Variants in SP4 observed in about 807,000 individuals in gnomAD.
The protein encoded by SP4 is transcription factor Sp4.
A neutral mutation model predicts 72.8 loss-of-function variants in SP4; 19 were observed. The ratio of observed to expected loss-of-function variants is 0.26; its 90% confidence interval spans 0.18 to 0.38. The LOEUF (loss-of-function observed/expected upper bound fraction) is 0.38. SP4 is among the 10% of genes least tolerant of loss of function. The pLI is 1.00. For missense variants in SP4, 1,008 were observed against 926.3 expected (o/e 1.09, Z -1.14); for synonymous variants, 395 against 333.1 (o/e 1.19, Z -2.02).
Position 21,429,840 on chromosome 7 carries a change from A to G in SP4, c.675A>G (p.Ala225=), listed in dbSNP as rs1583367190. 6.2e-7 allele frequency: 1 copy of G among 1,614,244 alleles called. No individual in the cohort carries two copies. Among genetic ancestry groups the G allele is most frequent in the Middle Eastern group, 1.6e-4 (1 of 6,062 alleles). ...ASGNILAQNL[A]NQTVPVQIRP... is the part of the protein sequence containing the mutation. ...GGAATATTCTTGCTCAAAACCTGGC[A>G]AATCAGACAGTTCCGGTCCAAATTA... The change falls in exon 3 of 6, where the codon GCA becomes GCG. Residue 225 remains alanine, a synonymous_variant. Coordinates refer to ENST00000222584, the MANE Select transcript of SP4 (RefSeq NM_003112.5).
chr7:21,500,191 G>C (rs1484455339), intron 5 of SP4, among the ~76,000 whole-genome samples: 4 of 152,094 alleles, frequency 2.6e-5, no homozygotes, highest in Non-Finnish European at 1.5e-5. Flanking sequence ...GATACATTGA[G>C]ATTTTCATGA....
chr7:21,486,035 G>T (rs561101627), intron 5 of SP4, among the ~76,000 whole-genome samples: 1 of 151,866 alleles, frequency 6.6e-6, no homozygotes, highest in Non-Finnish European at 1.5e-5. Context: ...TTGTCTAAAG[G>T]ATTCTTTATT....
chr7:21,463,532 C>T (rs190923545), intron 3 of SP4, among the ~76,000 whole-genome samples: 17 of 152,258 alleles, frequency 1.1e-4, no homozygotes, highest in African/African-American at 3.9e-4. Flanking sequence ...GGATGCTAAG[C>T]GAAGCCAGAG....
intron 3 of SP4, among the ~76,000 whole-genome samples, chr7:21,448,688 T>C (rs768263669): frequency 2.0e-5 from 3 of 152,238 alleles, no homozygotes; most frequent in Non-Finnish European, 4.4e-5. Flanking sequence ...GTATTGTAAA[T>C]GCCAGAGTAC....
At chr7:21,486,104 A>G (rs997405154) in intron 5 of SP4, among the ~76,000 whole-genome samples, 2 of 151,190 alleles carry the variant, frequency 1.3e-5, no homozygotes, top group African/African-American at 4.8e-5. Context: ...TGAAAATTAC[A>G]TTCTCTTAAA....
chr7:21,475,921 GT>G (rs921888127), intron 3 of SP4, among the ~76,000 whole-genome samples: 1 of 152,100 alleles, frequency 6.6e-6, no homozygotes, highest in African/African-American at 2.4e-5. Flanking sequence ...TCACATACTT[GT>G]TATTCCCACA....
At chr7:21,458,965 G>A (rs1355145643) in intron 3 of SP4, among the ~76,000 whole-genome samples, 3 of 152,134 alleles carry the variant, frequency 2.0e-5, no homozygotes, top group African/African-American at 7.2e-5. Flanking sequence ...ACCTCTCTTG[G>A]CCCTAAACTA....
intron 3 of SP4, among the ~76,000 whole-genome samples, chr7:21,459,461 A>C (rs1783883995): frequency 6.6e-6 from 1 of 152,182 alleles, no homozygotes. Context: ...TTGCCATGGT[A>C]TATCAGATTT....
intron 3 of SP4, among the ~76,000 whole-genome samples, chr7:21,468,910 C>T (rs1784247090): frequency 6.6e-6 from 1 of 152,104 alleles, no homozygotes; most frequent in South Asian, 2.1e-4. Context: ...AAACAGCATT[C>T]TCCCATACTT....
chr7:21,467,099 G>T (rs982904967), intron 3 of SP4, among the ~76,000 whole-genome samples: 1 of 152,184 alleles, frequency 6.6e-6, no homozygotes. Context: ...GACATTTTAG[G>T]CCAGGTAATT....
At chr7:21,431,855 T>A (rs1045107976) in intron 3 of SP4, among the ~76,000 whole-genome samples, 4 of 152,274 alleles carry the variant, frequency 2.6e-5, no homozygotes, top group African/African-American at 9.6e-5. Flanking sequence ...AGTTTATCAC[T>A]TTTGAATGAT....
chr7:21,457,755 AT>A (rs1389544729), intron 3 of SP4, among the ~76,000 whole-genome samples: 1 of 150,560 alleles, frequency 6.6e-6, no homozygotes, highest in African/African-American at 2.4e-5. Flanking sequence ...ACCCACTGTT[AT>A]TTTTTTTTCA....
intron 3 of SP4, among the ~76,000 whole-genome samples, chr7:21,476,273 C>CAAA (rs753166936): frequency 0.036 from 1,754 of 49,256 alleles, 198 homozygotes; most frequent in East Asian, 0.26. Context: ...GACTCCATCT[C>CAAA]AAAAAAAAAA....
chr7:21,467,517 C>G (rs1343831011), intron 3 of SP4, among the ~76,000 whole-genome samples: 1 of 152,080 alleles, frequency 6.6e-6, no homozygotes. Flanking sequence ...CCCCATTTCT[C>G]CTTTCTATCC....
intron 3 of SP4, among the ~76,000 whole-genome samples, chr7:21,463,331 AT>A (rs1323728975): frequency 1.2e-4 from 19 of 152,204 alleles, no homozygotes; most frequent in African/African-American, 4.6e-4. Context: ...GGCTATGTAC[AT>A]TGCCAGCATA....
rs758548013 is a variant in SP4 at position 21,430,195 on chromosome 7, A to T, written c.1030A>T (p.Thr344Ser). The T allele has an allele frequency of 6.2e-6, 10 of 1,614,220 alleles. No individual in the cohort carries two copies. The highest frequency in any genetic ancestry group is 6.8e-6 in the Non-Finnish European group (8 of 1,180,036). ...SSDTLVSSADTGQYASTSASS... is the reference protein window; with the variant it reads ...SSDTLVSSADSGQYASTSASS... Reference sequence around the variant, plus strand: ...TGACACATTAGTGAGCTCAGCAGATACTGGCCAGTATGCAAGCACATCAGC... The same window carrying T: ...TGACACATTAGTGAGCTCAGCAGATTCTGGCCAGTATGCAAGCACATCAGC... Residue 344 changes from threonine (T) to serine (S), a missense_variant, in exon 3 of 6, where the codon ACT (threonine) becomes TCT (serine). Thr to Ser is a moderately conservative substitution (Grantham distance 58). Around this residue, in one of 3 missense-constraint regions of SP4, gnomAD observed 893 missense variants for 743.3 expected, o/e 1.20. Transcript: ENST00000222584.
At chr7:21,478,697 A>T (rs1784588486) in intron 4 of SP4, among the ~76,000 whole-genome samples, 1 of 152,138 alleles carries the variant, frequency 6.6e-6, no homozygotes, top group African/African-American at 2.4e-5. Context: ...ATTTTAAATT[A>T]TATTATTTAT....
intron 4 of SP4, among the ~76,000 whole-genome samples, chr7:21,481,470 A>C (rs1233388977): frequency 6.6e-6 from 1 of 152,176 alleles, no homozygotes; most frequent in Non-Finnish European, 1.5e-5. Context: ...CCATTTCCAG[A>C]GACTTTAAAT....
At position 21,429,542 on chromosome 7, in the gene SP4, G is replaced by T. The variant is rs1476037507; in HGVS notation, c.377G>T (p.Ser126Ile). 1.2e-6 allele frequency: 2 copies of T among 1,614,172 alleles called. No individual in the cohort carries two copies. The highest frequency in any genetic ancestry group is 1.7e-5 in the Admixed American group (1 of 60,018). ...NVSQPASSSS[S>I]SSSSNNGSAS... ...TCTCAACCAGCCTCTAGTTCGTCTA[G>T]TTCTTCCAGCAGTAATAACGGGAGT... Residue 126 changes from serine to isoleucine, a missense_variant, in exon 3 of 6, where the codon AGT becomes ATT. Transcript: ENST00000222584.
Sources: allele counts gnomAD v4.1 joint callset (sites outside exome capture counted in the v4.1 genomes callset), GRCh38; gene constraint gnomAD v4.1.1; regional missense constraint gnomAD v4.1.1; transcripts MANE v1.5; gene names NCBI Gene and HGNC (gene_info 2026-07-23, HGNC 2026-07-21).